The following MAP4K3 variants were observed in gnomAD, a reference collection of about 807,000 sequenced individuals.
MAP4K3 encodes the protein mitogen-activated protein kinase kinase kinase kinase 3.
Under a neutral mutation model 143.5 loss-of-function variants are expected in MAP4K3, and 94 were observed. The observed-to-expected ratio is 0.65, with a 90% CI of 0.55 to 0.78. MAP4K3 has a LOEUF of 0.78. Among genes scored for constraint, MAP4K3 ranks in the 30% least tolerant of loss-of-function variants. The pLI is 0.00. For synonymous variants in MAP4K3, 416 were observed against 347.2 expected, an observed-to-expected ratio of 1.20 and a Z score of -2.20; for missense variants, 1,077 against 1,068.1, an observed-to-expected ratio of 1.01 and a Z score of -0.12.
intron 15 of MAP4K3, among the ~76,000 whole-genome samples, chr2:39,307,487 T>C (rs1010674528): frequency 1.3e-5 from 2 of 151,902 alleles, no homozygotes; most frequent in Non-Finnish European, 2.9e-5. Context: ...ATATGTACCA[T>C]ATATTATCTG....
intron 21 of MAP4K3, among the ~76,000 whole-genome samples, chr2:39,284,177 T>G (rs1309528843): frequency 6.6e-6 from 1 of 152,170 alleles, no homozygotes; most frequent in Non-Finnish European, 1.5e-5. Context: ...TTTTTTATTT[T>G]TTTTGAGACA....
At chr2:39,347,327 A>T (rs931762667) in intron 3 of MAP4K3, among the ~76,000 whole-genome samples, 1 of 152,216 alleles carries the variant, frequency 6.6e-6, no homozygotes, top group African/African-American at 2.4e-5. Context: ...TCTATTACCA[A>T]AATGTTTTGA....
chr2:39,302,800 C>T (rs1682559618), intron 15 of MAP4K3, among the ~76,000 whole-genome samples: 1 of 152,182 alleles, frequency 6.6e-6, no homozygotes, highest in Non-Finnish European at 1.5e-5. Flanking sequence ...TGAAAACATG[C>T]AATAACCTAG....
intron 1 of MAP4K3, chr2:39,436,603 A>C: frequency 2.2e-6 from 1 of 447,170 alleles, no homozygotes; most frequent in Non-Finnish European, 4.1e-6. Context: ...ATGGATGAGC[A>C]GTGTGGCCTG....
In MAP4K3 at chr2:39,361,897, G is replaced by A. The variant is rs527873987; in HGVS notation, c.155-5558C>T. Among the ~76,000 whole-genome samples, 5 of 151,834 alleles carry A rather than the reference G, an allele frequency of 3.3e-5. No homozygotes were observed. The East Asian group carries it at 9.7e-4, about 29-fold the overall frequency. ...TCATGAAGATGTTAAACATGTAGAA[G>A]ACAGAAATAAAGATGACAAAAGGAA... On this transcript the variant is annotated intron_variant, in intron 2 of 33. Transcript: ENST00000263881.
At chr2:39,283,394 A>C (rs1175838327) in intron 21 of MAP4K3, among the ~76,000 whole-genome samples, 1 of 152,028 alleles carries the variant, frequency 6.6e-6, no homozygotes, top group Non-Finnish European at 1.5e-5. Context: ...AAGATTAAGA[A>C]TCTTTTTAAC....
chr2:39,388,606 CGCACAGGTAGGTT>C (rs1055216947), intron 1 of MAP4K3, among the ~76,000 whole-genome samples: 13 of 152,096 alleles, frequency 8.5e-5, no homozygotes, highest in Non-Finnish European at 1.2e-4. Flanking sequence ...AGAGTCACAC[CGCACAGGTAGGTT>C]GGGGAAAAGG....
chr2:39,390,482 C>CAA (rs1212433851), intron 1 of MAP4K3, among the ~76,000 whole-genome samples: 1 of 152,138 alleles, frequency 6.6e-6, no homozygotes, highest in African/African-American at 2.4e-5. Context: ...TAATACTACT[C>CAA]AAGTGACTGA....
chr2:39,280,418 A>G, intron 22 of MAP4K3, 62 bp from the exon 23 acceptor site: 1 of 913,878 alleles, frequency 1.1e-6, no homozygotes, highest in South Asian at 1.7e-5. Context: ...AATATATAAA[A>G]TGTAACTATT....
intron 22 of MAP4K3, among the ~76,000 whole-genome samples, chr2:39,282,248 A>G (rs1481757563): frequency 2.0e-5 from 3 of 152,128 alleles, no homozygotes; most frequent in African/African-American, 7.2e-5. Flanking sequence ...CTATAATCAC[A>G]GCACTTTGGG....
intron 4 of MAP4K3, among the ~76,000 whole-genome samples, chr2:39,341,662 A>G (rs1308101630): frequency 1.3e-5 from 2 of 152,090 alleles, no homozygotes; most frequent in African/African-American, 4.8e-5. Flanking sequence ...TTTAAAAAAA[A>G]AAAAAAATTC....
chr2:39,303,100 T>C (rs1189757515), intron 15 of MAP4K3: 1 of 166,960 alleles, frequency 6.0e-6, no homozygotes, highest in Non-Finnish European at 1.5e-5. Flanking sequence ...AGGAAGTCAA[T>C]AGAATTGATA....
rs547552822 is a variant in MAP4K3, at chr2:39,355,067, A to G, written c.245+1182T>C. ...ACATAGTGAGATCCCCGTCTCTATAAAAAATACAAAAATTAGGCCAGGTGC... is the reference window on the plus strand; with the variant it reads ...ACATAGTGAGATCCCCGTCTCTATAGAAAATACAAAAATTAGGCCAGGTGC... On this transcript the variant is annotated intron_variant, in intron 3 of 33. Coordinates refer to ENST00000263881, the MANE Select transcript of MAP4K3 (RefSeq NM_003618.4). Among the ~76,000 whole-genome samples, 261 of 152,272 alleles carry G rather than the reference A, an allele frequency of 1.7e-3. 1 individual carries two copies. Among genetic ancestry groups the G allele is most frequent in the Non-Finnish European group, 3.1e-3 (208 of 68,000 alleles).
At chr2:39,279,953 T>C (rs1681443979) in intron 23 of MAP4K3, among the ~76,000 whole-genome samples, 1 of 151,968 alleles carries the variant, frequency 6.6e-6, no homozygotes, top group African/African-American at 2.4e-5. Flanking sequence ...ACATTTTCCC[T>C]ATAAATAAAA....
At position 39,378,047 on chromosome 2, in the gene MAP4K3, T is replaced by C. The variant is rs766638171; in HGVS notation, c.154+19A>G. The C allele has an allele frequency of 1.4e-6, 2 of 1,462,140 alleles. No homozygotes were observed. Among genetic ancestry groups the C allele is most frequent in the South Asian group, 2.4e-5 (2 of 83,926 alleles). 90.6% of individuals were successfully genotyped at this position (1,462,140 alleles called of 1,614,324 possible). On this transcript the variant is annotated intron_variant, in intron 2 of 33. Transcript: ENST00000263881. The stretch of plus-strand genomic sequence containing the variant: ...ATGGCTTTCTAGCAGTAAGAAAAAA[T>C]GAATTTCAAACAATTTACCTGGTTC...
At chr2:39,287,324 G>A (rs1399958046) in intron 20 of MAP4K3, among the ~76,000 whole-genome samples, 1 of 141,512 alleles carries the variant, frequency 7.1e-6, no homozygotes, top group African/African-American at 2.6e-5. Context: ...AAGGAGTTTT[G>A]CTCTTATCAC....
intron 2 of MAP4K3, among the ~76,000 whole-genome samples, chr2:39,366,384 AAGGGGTTGCGG>A (rs1367939773): frequency 2.0e-5 from 3 of 152,176 alleles, no homozygotes; most frequent in African/African-American, 7.2e-5. Flanking sequence ...GGGTTCTGAT[AAGGGGTTGCGG>A]AGACCAAGGT....
intron 1 of MAP4K3, among the ~76,000 whole-genome samples, chr2:39,426,725 CT>C (rs1233147701): frequency 6.6e-6 from 1 of 151,812 alleles, no homozygotes; most frequent in Non-Finnish European, 1.5e-5. Context: ...AAAAAGCAAA[CT>C]TTTTTTAAAA....
At position 39,250,544 on chromosome 2, in the gene MAP4K3, G is replaced by T; in HGVS notation, c.*74C>A. On this transcript the variant is annotated 3_prime_UTR_variant, in exon 34 of 34. Transcript: ENST00000263881. The stretch of plus-strand genomic sequence containing the variant: ...GACAGGTTACTGCAGCTTTTGTACA[G>T]CTTCAAGCATCCATTAATGTTGCAG... 1 of 1,371,010 alleles carries T rather than the reference G, an allele frequency of 7.3e-7. No individual in the cohort carries two copies. Among genetic ancestry groups the T allele is most frequent in the Non-Finnish European group, 1.0e-6 (1 of 971,590 alleles). 84.9% of individuals were successfully genotyped at this position (1,371,010 alleles called of 1,614,324 possible). A position where few individuals can be genotyped will look rare whatever the true frequency, so the allele number is the denominator to read the frequency against.
Sources: allele counts gnomAD v4.1 joint callset (sites outside exome capture counted in the v4.1 genomes callset), GRCh38; gene constraint gnomAD v4.1.1; transcripts MANE v1.5; gene names NCBI Gene and HGNC (gene_info 2026-07-23, HGNC 2026-07-21).